Variants in PLD5 observed in about 807,000 individuals in gnomAD.
PLD5 encodes the protein inactive phospholipase D5.
Under a neutral mutation model 61.1 loss-of-function variants are expected in PLD5, and 36 were observed. The observed-to-expected ratio is 0.59, with a 90% CI of 0.45 to 0.78. The LOEUF (loss-of-function observed/expected upper bound fraction) is 0.78, where lower values mean the gene tolerates loss of function less well. PLD5 is among the 30% of genes least tolerant of loss of function. The pLI is 0.00. For missense variants in PLD5, 515 were observed against 644.4 expected (o/e 0.80, Z 2.17); for synonymous variants, 243 against 242.8 (o/e 1.00, Z -0.01).
intron 3 of PLD5, among the ~76,000 whole-genome samples, chr1:242,278,088 C>T (rs2841922): frequency 1.3e-5 from 2 of 152,172 alleles, no homozygotes; most frequent in African/African-American, 4.8e-5. Flanking sequence ...TTTTTGTTGG[C>T]GGCCATTTGG....
chr1:242,233,016 T>C (rs993565076), intron 4 of PLD5, among the ~76,000 whole-genome samples: 1 of 151,784 alleles, frequency 6.6e-6, no homozygotes, highest in Admixed American at 6.6e-5. Context: ...TAGCCAGGCG[T>C]GGTGGCAGGA....
At chr1:242,254,933 A>G (rs1464664809) in intron 4 of PLD5, among the ~76,000 whole-genome samples, 4 of 152,240 alleles carry the variant, frequency 2.6e-5, no homozygotes, top group Non-Finnish European at 5.9e-5. Flanking sequence ...AATCCCTTGC[A>G]ATACACTTTG....
At chr1:242,430,124 G>A (rs528038236) in intron 1 of PLD5, among the ~76,000 whole-genome samples, 13 of 151,894 alleles carry the variant, frequency 8.6e-5, no homozygotes, top group Middle Eastern at 3.4e-3. Flanking sequence ...ATTTCCTCAA[G>A]CTCCTGCATG....
chr1:242,157,896 C>G (rs931687193), intron 5 of PLD5, among the ~76,000 whole-genome samples: 1 of 152,216 alleles, frequency 6.6e-6, no homozygotes. Flanking sequence ...ATGTTTAAGT[C>G]TGCTGAAGCT....
intron 5 of PLD5, among the ~76,000 whole-genome samples, chr1:242,186,455 T>A (rs1156584296): frequency 2.6e-5 from 4 of 152,204 alleles, no homozygotes; most frequent in Non-Finnish European, 5.9e-5. Context: ...AGTGCTGGGA[T>A]TATAGGCATG....
intron 1 of PLD5, among the ~76,000 whole-genome samples, chr1:242,493,229 C>A (rs909276597): frequency 6.6e-6 from 1 of 152,146 alleles, no homozygotes; most frequent in Non-Finnish European, 1.5e-5. Flanking sequence ...TGGTCACACA[C>A]CACAGTATTC....
intron 1 of PLD5, among the ~76,000 whole-genome samples, chr1:242,519,780 A>C (rs2103010878): frequency 6.6e-6 from 1 of 152,286 alleles, no homozygotes; most frequent in South Asian, 2.1e-4. Flanking sequence ...AGGCAAACAG[A>C]CAGCATAACA....
In PLD5 at chr1:242,124,653, C is replaced by T. The variant is rs775026704; in HGVS notation, c.748G>A (p.Gly250Ser). 3.7e-6 allele frequency: 6 copies of T among 1,612,774 alleles called. No individual in the cohort carries two copies. The highest frequency in any genetic ancestry group is 2.2e-5 in the South Asian group (2 of 90,984). The change falls in exon 6 of 10, where the codon GGT (glycine) becomes AGT (serine). Residue 250 changes from glycine (G) to serine (S), a missense_variant. Physicochemically the swap from Gly to Ser is moderately conservative, Grantham distance 56. Around this residue, in one of 2 missense-constraint regions of PLD5, gnomAD observed 450 missense variants for 598.1 expected, o/e 0.75. Coordinates refer to ENST00000536534, the MANE Select transcript of PLD5 (RefSeq NM_001372062.1). ...CAGCTGCAGTTGTAGAAGATGACAC[C>T]GAGTTCTTTCATCTGTGAAATTAAA... Reference protein sequence around the residue: ...WQSLGQMKELGVIFYNCSCLV... With the variant: ...WQSLGQMKELSVIFYNCSCLV...
At chr1:242,521,163 G>A (rs1430349614) in intron 1 of PLD5, among the ~76,000 whole-genome samples, 1 of 152,094 alleles carries the variant, frequency 6.6e-6, no homozygotes, top group Non-Finnish European at 1.5e-5. Context: ...CATTATTTTA[G>A]TATGGAATGA....
intron 5 of PLD5, among the ~76,000 whole-genome samples, chr1:242,180,007 C>T (rs999314331): frequency 6.6e-6 from 1 of 152,134 alleles, no homozygotes; most frequent in Non-Finnish European, 1.5e-5. Flanking sequence ...TATCATCACA[C>T]TTTCAGTGCA....
chr1:242,513,613 C>T (rs1439230105), intron 1 of PLD5, among the ~76,000 whole-genome samples: 1 of 152,236 alleles, frequency 6.6e-6, no homozygotes. Flanking sequence ...CTCATATATG[C>T]TGAATCTTCC....
intron 6 of PLD5, among the ~76,000 whole-genome samples, chr1:242,115,572 C>A (rs1261667589): frequency 2.6e-5 from 4 of 151,950 alleles, no homozygotes; most frequent in African/African-American, 9.7e-5. Flanking sequence ...ACACACACTG[C>A]ACATAGCAAG....
In PLD5 at chr1:242,376,715, A is replaced by G. The variant is rs190169314; in HGVS notation, c.190-28473T>C. Among the ~76,000 whole-genome samples the G allele has an allele frequency of 5.6e-4, 85 of 152,344 alleles. No individual in the cohort carries two copies. The Middle Eastern group carries it at 0.024, about 43-fold the overall frequency. On this transcript the variant is annotated intron_variant, in intron 1 of 9. Transcript: ENST00000536534. Reference sequence around the variant, plus strand: ...AGTATAAAAAGTTGTTCATTTAAATATATACAAACTCTTTTAAACGCAAAT... The same window carrying G: ...AGTATAAAAAGTTGTTCATTTAAATGTATACAAACTCTTTTAAACGCAAAT...
At chr1:242,218,081 G>A (rs912025978) in intron 5 of PLD5, among the ~76,000 whole-genome samples, 6 of 152,138 alleles carry the variant, frequency 3.9e-5, no homozygotes, top group Non-Finnish European at 7.3e-5. Context: ...TTCATGAAAG[G>A]AAGTCAATTG....
chr1:242,342,349 G>C (rs540425028), intron 2 of PLD5, among the ~76,000 whole-genome samples: 7 of 152,150 alleles, frequency 4.6e-5, no homozygotes, highest in African/African-American at 1.7e-4. Context: ...CCTCTGAAAG[G>C]GTGGGTGTTC....
At chr1:242,307,481 G>A (rs3913526) in intron 2 of PLD5, among the ~76,000 whole-genome samples, 6 of 150,730 alleles carry the variant, frequency 4.0e-5, no homozygotes, top group Non-Finnish European at 7.4e-5. Flanking sequence ...TAGCATTCTC[G>A]TTTTTAAGAT....
chr1:242,189,256 C>T (rs999138440), intron 5 of PLD5, among the ~76,000 whole-genome samples: 1 of 151,940 alleles, frequency 6.6e-6, no homozygotes. Context: ...ACCAGCCTGG[C>T]CAACATGGTG....
At chr1:242,323,850 CAGA>C (rs1334418767) in intron 2 of PLD5, among the ~76,000 whole-genome samples, 4 of 151,994 alleles carry the variant, frequency 2.6e-5, no homozygotes, top group African/African-American at 4.8e-5. Context: ...CCCAGATGGT[CAGA>C]AGATGATTAT....
At position 242,316,787 on chromosome 1, in the gene PLD5, C is replaced by A. The variant is rs1658026623; in HGVS notation, c.327-28257G>T. On this transcript the variant is annotated intron_variant, in intron 2 of 9. Transcript: ENST00000536534. ...TCCCACCCTCCACTCTCAAGCAGAA[C>A]CCAGTGTCTGTTGCTCCCCTCTTCG... is the stretch of plus-strand genomic sequence containing the variant. 2.0e-5 allele frequency among the ~76,000 whole-genome samples: 3 copies of A among 151,994 alleles called. No individual in the cohort carries two copies. In the South Asian group the frequency reaches 6.2e-4, roughly 32 times the overall value.
Sources: gnomAD v4.1 joint callset for allele counts (sites outside exome capture counted in the v4.1 genomes callset) on GRCh38, gnomAD v4.1.1 for gene constraint, gnomAD v4.1.1 regional missense constraint, MANE v1.5 for transcripts, NCBI Gene and HGNC (gene_info 2026-07-23, HGNC 2026-07-21) for gene names.